Variants in SMAD3 observed in about 807,000 individuals in gnomAD.
SMAD3 encodes MAD homolog 3.
SMAD3 carries 12 observed loss-of-function variants against 51.8 expected under a neutral mutation model. The ratio of observed to expected loss-of-function variants is 0.23; its 90% CI spans 0.15 to 0.38. SMAD3 has a LOEUF of 0.38. Among genes scored for constraint, SMAD3 ranks in the 10% least tolerant of loss-of-function variants. The pLI, the probability that SMAD3 is intolerant of heterozygous loss-of-function variation, is 1.00. For synonymous variants in SMAD3, 238 were observed against 227.7 expected (o/e 1.05, Z -0.41); for missense variants, 294 against 565.6 (o/e 0.52, Z 4.87).
At chr15:67,173,447 A>G (rs971759877) in intron 5 of SMAD3, among the ~76,000 whole-genome samples, 5 of 152,142 alleles carry the variant, frequency 3.3e-5, no homozygotes, top group African/African-American at 1.2e-4. Context: ...CCTGTGAGGC[A>G]GAGAAGGATG....
chr15:67,183,197 C>T (rs1645801697), intron 6 of SMAD3, among the ~76,000 whole-genome samples: 1 of 150,638 alleles, frequency 6.6e-6, no homozygotes, highest in South Asian at 2.1e-4. Flanking sequence ...CATGTGCCAC[C>T]ACACCTGGCT....
chr15:67,098,558 T>C, intron 1 of SMAD3: 1 of 360,012 alleles, frequency 2.8e-6, no homozygotes, highest in East Asian at 4.1e-5. Context: ...CGGTAGCCTG[T>C]CACTCCCTGG....
chr15:67,189,766 C>T (rs147810626), intron 8 of SMAD3, among the ~76,000 whole-genome samples: 3 of 152,126 alleles, frequency 2.0e-5, no homozygotes, highest in African/African-American at 4.8e-5. Context: ...ATCAACCAGC[C>T]TGAATTTAGA....
At chr15:67,129,631 C>T (rs1420306481) in intron 1 of SMAD3, among the ~76,000 whole-genome samples, 1 of 152,142 alleles carries the variant, frequency 6.6e-6, no homozygotes, top group East Asian at 1.9e-4. Flanking sequence ...GGAACGTATT[C>T]CCCTCGGATA....
intron 1 of SMAD3, among the ~76,000 whole-genome samples, chr15:67,135,188 A>G (rs1189873843): frequency 6.6e-6 from 1 of 152,222 alleles, no homozygotes; most frequent in Non-Finnish European, 1.5e-5. Flanking sequence ...GGGTTCTAGC[A>G]CTGAGAGGGG....
At chr15:67,126,240 T>C (rs551307924) in intron 1 of SMAD3, among the ~76,000 whole-genome samples, 1 of 152,210 alleles carries the variant, frequency 6.6e-6, no homozygotes, top group East Asian at 1.9e-4. Flanking sequence ...GGCCAGGTGT[T>C]AGGATGCTCT....
At chr15:67,155,424 C>A (rs778313049) in intron 1 of SMAD3, among the ~76,000 whole-genome samples, 16 of 152,096 alleles carry the variant, frequency 1.1e-4, no homozygotes, top group Admixed American at 9.2e-4. Flanking sequence ...TGTCCTGGGG[C>A]GGTCCATTGC....
intron 4 of SMAD3, among the ~76,000 whole-genome samples, chr15:67,169,195 C>T (rs912633970): frequency 6.6e-6 from 1 of 152,044 alleles, no homozygotes; most frequent in Non-Finnish European, 1.5e-5. Context: ...TAGCCAAACT[C>T]ACGTAGCTGA....
intron 1 of SMAD3, chr15:67,137,913 G>A: frequency 1.4e-6 from 1 of 728,124 alleles, no homozygotes; most frequent in Non-Finnish European, 2.4e-6. Context: ...GGGCTCTTCT[G>A]TTAGCGACAG....
chr15:67,107,642 G>A lies in SMAD3; in HGVS notation c.206+41282G>A, dbSNP rs556759422. 1.1e-4 allele frequency among the ~76,000 whole-genome samples: 16 copies of A among 152,338 alleles called. No individual in the cohort carries two copies. In the East Asian group the frequency reaches 1.7e-3, roughly 17 times the overall value. On this transcript the variant is annotated intron_variant, in intron 1 of 8. Coordinates refer to ENST00000327367, the MANE Select transcript of SMAD3 (RefSeq NM_005902.4). ...TGCCCAGCCTAAGTCACTGCCTGTCGCTGTGGTTATTGCATGGACAGGGCC... is the reference window on the plus strand; with the variant it reads ...TGCCCAGCCTAAGTCACTGCCTGTCACTGTGGTTATTGCATGGACAGGGCC...
chr15:67,180,972 C>CTAAATAAATAAA (rs60300820), intron 5 of SMAD3, among the ~76,000 whole-genome samples: 3,754 of 145,916 alleles, frequency 0.026, 51 homozygotes, highest in East Asian at 0.047. Context: ...CCTTTATGAG[C>CTAAATAAATAAA]TAAATAAATA....
At chr15:67,188,502 C>G (rs1171680039) in intron 8 of SMAD3, among the ~76,000 whole-genome samples, 1 of 152,168 alleles carries the variant, frequency 6.6e-6, no homozygotes, top group Non-Finnish European at 1.5e-5. Context: ...GGTTGAATCT[C>G]TCAGGCCATC....
intron 1 of SMAD3, among the ~76,000 whole-genome samples, chr15:67,105,599 A>G (rs1315761714): frequency 6.6e-6 from 1 of 152,176 alleles, no homozygotes; most frequent in Non-Finnish European, 1.5e-5. Context: ...CCAGTGATAA[A>G]TATTAGTCAC....
chr15:67,190,022 G>C (rs990371787), intron 8 of SMAD3, among the ~76,000 whole-genome samples: 1 of 151,966 alleles, frequency 6.6e-6, no homozygotes, highest in African/African-American at 2.4e-5. Context: ...GGAGCGGCAC[G>C]TGCCCGTTTG....
At chr15:67,110,230 G>T (rs1960982584) in intron 1 of SMAD3, among the ~76,000 whole-genome samples, 1 of 152,080 alleles carries the variant, frequency 6.6e-6, no homozygotes, top group Non-Finnish European at 1.5e-5. Context: ...TGGGGGATAC[G>T]ACTCAAACTC....
chr15:67,104,553 A>C (rs985157507), intron 1 of SMAD3, among the ~76,000 whole-genome samples: 1 of 152,148 alleles, frequency 6.6e-6, no homozygotes, highest in Non-Finnish European at 1.5e-5. Flanking sequence ...TAAGTGATAA[A>C]TATTCGTACT....
intron 1 of SMAD3, among the ~76,000 whole-genome samples, chr15:67,104,221 C>T (rs907305653): frequency 3.9e-5 from 6 of 152,116 alleles, no homozygotes; most frequent in African/African-American, 1.4e-4. Flanking sequence ...GTAATCCCTG[C>T]GTCTCGCACA....
At chr15:67,098,326 G>A (rs994693944) in intron 1 of SMAD3, among the ~76,000 whole-genome samples, 5 of 77,450 alleles carry the variant, frequency 6.5e-5, no homozygotes, top group East Asian at 9.8e-4. Flanking sequence ...GAAGGAAGGA[G>A]GGAGGGAGGG....
chr15:67,169,660 C>G (rs7165382), intron 4 of SMAD3, among the ~76,000 whole-genome samples: 37,532 of 147,150 alleles, frequency 0.26, 5,014 homozygotes, highest in East Asian at 0.4. Context: ...ACAGGGTCTC[C>G]CTATATCACC....
Sources: allele counts gnomAD v4.1 joint callset (sites outside exome capture counted in the v4.1 genomes callset), GRCh38; gene constraint gnomAD v4.1.1; transcripts MANE v1.5; gene names NCBI Gene and HGNC (gene_info 2026-07-23, HGNC 2026-07-21).